Variants in EFCAB12 observed in about 807,000 individuals in gnomAD.
EFCAB12 encodes EF-hand calcium-binding domain-containing protein 12.
Under a neutral mutation model 53.6 loss-of-function variants are expected in EFCAB12, and 43 were observed. That is an observed-to-expected ratio of 0.80 (90% confidence interval 0.63 to 1.03). The LOEUF (loss-of-function observed/expected upper bound fraction) is 1.03. EFCAB12 is among the 50% of genes least tolerant of loss of function. The probability of loss-of-function intolerance (pLI) is 0.00; values close to 1 mark genes in which losing one functional copy is unlikely to be tolerated. For missense variants in EFCAB12, 646 were observed against 730.6 expected (o/e 0.88, Z 1.34); for synonymous variants, 269 against 289.2 (o/e 0.93, Z 0.71).
chr3:129,401,714 A>G lies in EFCAB12; in HGVS notation c.1598T>C (p.Val533Ala). Residue 533 changes from valine to alanine, a missense_variant, in exon 9 of 9, where the codon GTT becomes GCT. Transcript: ENST00000505956. ...TGGGTAGACATGGGGCTGGTGTTGA[A>G]CACAACTGAAGAGCGCCAGGCTCCG... ...TDRSLALFSC[V>A]QHQPHVYPAT... is the part of the protein sequence containing the mutation. The G allele has an allele frequency of 1.3e-6, 2 of 1,597,022 alleles. No homozygotes were observed. Among genetic ancestry groups the G allele is most frequent in the African/African-American group, 2.7e-5 (2 of 74,810 alleles).
Position 129,418,622 on chromosome 3 carries a change from A to C in EFCAB12, c.487-174T>G. ...TGTTTGGCCACAAAATGCCTGGGAG[A>C]CTTTGCTTCTCTGAGCCTTGGTTTT... On this transcript the variant is annotated intron_variant, in intron 2 of 8. Transcript: ENST00000505956. 6.2e-6 allele frequency: 3 copies of C among 481,796 alleles called. No homozygotes were observed. The Admixed American group carries it at 1.2e-4, about 19-fold the overall frequency. The allele number at this position is 481,796 out of a possible 1,614,324, so 29.8% of individuals were successfully genotyped here.
chr3:129,419,709 G>A (rs902676061), intron 2 of EFCAB12, among the ~76,000 whole-genome samples: 2 of 152,206 alleles, frequency 1.3e-5, no homozygotes, highest in Non-Finnish European at 2.9e-5. Flanking sequence ...CATCCTGACT[G>A]CAACCTCATG....
intron 6 of EFCAB12, among the ~76,000 whole-genome samples, chr3:129,408,313 G>A (rs1431366466): frequency 6.6e-6 from 1 of 152,094 alleles, no homozygotes; most frequent in African/African-American, 2.4e-5. Flanking sequence ...TCAACCTCAG[G>A]GCTTTCTCAC....
chr3:129,408,626 C>T lies in EFCAB12; in HGVS notation c.1249+19G>A, dbSNP rs1175831416. 3 of 1,554,286 alleles carry T rather than the reference C, an allele frequency of 1.9e-6. No homozygotes were observed. The highest frequency in any genetic ancestry group is 2.7e-5 in the African/African-American group (2 of 73,230). ...GGTTCCCTTGGCATCTTCCTAGGGCCAGCTACCGAGGCCCTTACCTTTCAT... is the reference window on the plus strand; with the variant it reads ...GGTTCCCTTGGCATCTTCCTAGGGCTAGCTACCGAGGCCCTTACCTTTCAT... On this transcript the variant is annotated intron_variant, in intron 6 of 8. Coordinates refer to ENST00000505956, the MANE Select transcript of EFCAB12 (RefSeq NM_207307.3).
intron 6 of EFCAB12, among the ~76,000 whole-genome samples, chr3:129,406,987 A>C (rs1364618098): frequency 6.6e-6 from 1 of 152,056 alleles, no homozygotes; most frequent in Non-Finnish European, 1.5e-5. Flanking sequence ...TGGCCTCCCA[A>C]AGTACTGGGA....
At chr3:129,411,419 C>G (rs543098192) in intron 4 of EFCAB12, 65 bp from the exon 5 acceptor site, 1 of 1,488,084 alleles carries the variant, frequency 6.7e-7, no homozygotes, top group African/African-American at 1.4e-5. Flanking sequence ...CGGAACCTGC[C>G]AAGCAGTTAT....
intron 2 of EFCAB12, 79 bp downstream of exon 2, chr3:129,421,288 C>G: frequency 7.0e-7 from 1 of 1,434,160 alleles, no homozygotes; most frequent in Non-Finnish European, 9.3e-7. Flanking sequence ...CTATCCCTAT[C>G]CAGCCTAACC....
intron 1 of EFCAB12, among the ~76,000 whole-genome samples, chr3:129,423,535 G>A (rs62266959): frequency 0.045 from 6,888 of 152,172 alleles, 228 homozygotes; most frequent in Non-Finnish European, 0.067. Flanking sequence ...GGCTGAGGTG[G>A]GAGGATCACT....
intron 4 of EFCAB12, chr3:129,413,521 C>G (rs1048707677): frequency 6.6e-6 from 1 of 152,198 alleles, no homozygotes; most frequent in African/African-American, 2.4e-5. Context: ...GGGGATATGC[C>G]TGCAGCTGCA....
In EFCAB12 at chr3:129,408,669, G is replaced by T. The variant is rs188877447; in HGVS notation, c.1225C>A (p.Leu409Met). ...CCTTTCATGAGGATGTCCTCTGTCA[G>T]CGGGAGGCCATAGGACTTACAGAGC... The part of the protein sequence containing the change: ...WKLCKSYGLP[L>M]TEDILMKALL... The change falls in exon 6 of 9, where the codon CTG (leucine) becomes ATG (methionine). Residue 409 changes from leucine (L) to methionine (M), a missense_variant. Physicochemically the swap from Leu to Met is conservative, Grantham distance 15. Transcript: ENST00000505956. The T allele has an allele frequency of 1.3e-6, 2 of 1,580,616 alleles. No homozygotes were observed. The highest frequency in any genetic ancestry group is 2.7e-5 in the African/African-American group (2 of 74,350).
At chr3:129,406,371 C>G (rs943622606) in intron 6 of EFCAB12, among the ~76,000 whole-genome samples, 13 of 152,240 alleles carry the variant, frequency 8.5e-5, no homozygotes, top group African/African-American at 3.1e-4. Flanking sequence ...GTGTTCCTGA[C>G]AGCCTCTGAC....
chr3:129,407,759 CA>C (rs1229489938), intron 6 of EFCAB12, among the ~76,000 whole-genome samples: 2 of 152,138 alleles, frequency 1.3e-5, no homozygotes, highest in South Asian at 2.1e-4. Context: ...ACTAAAAATA[CA>C]AAAATTAGCT....
At chr3:129,406,213 C>A (rs2071948981) in intron 6 of EFCAB12, among the ~76,000 whole-genome samples, 1 of 152,084 alleles carries the variant, frequency 6.6e-6, no homozygotes, top group Admixed American at 6.6e-5. Context: ...TGTAAATAAT[C>A]CGGAAAGGTG....
In EFCAB12 at chr3:129,428,430, C is replaced by G. The variant is rs746781760; in HGVS notation, c.49+10G>C. 4 of 1,604,396 alleles carry G rather than the reference C, an allele frequency of 2.5e-6. No homozygotes were observed. Among genetic ancestry groups the G allele is most frequent in the Admixed American group, 3.4e-5 (2 of 58,606 alleles). On this transcript the variant is annotated intron_variant, in intron 1 of 8. Coordinates refer to ENST00000505956, the MANE Select transcript of EFCAB12 (RefSeq NM_207307.3). ...AGCGCTCCCTGCAGACGCTTCTTCC[C>G]GGGGCTTACCGAGCAGCGACAAGAA...
chr3:129,402,944 C>T (rs1218596072), intron 7 of EFCAB12: 7 of 212,322 alleles, frequency 3.3e-5, no homozygotes, highest in Non-Finnish European at 6.7e-5. Context: ...CTACTCCCCA[C>T]TCCAGAGCTT....
At chr3:129,405,263 A>C (rs1309253773) in intron 6 of EFCAB12, among the ~76,000 whole-genome samples, 1 of 152,184 alleles carries the variant, frequency 6.6e-6, no homozygotes, top group African/African-American at 2.4e-5. Context: ...TGCTTGTCTT[A>C]AGCTGGTAAC....
chr3:129,415,329 T>C lies in EFCAB12; in HGVS notation c.754A>G (p.Thr252Ala). The C allele has an allele frequency of 6.2e-7, 1 of 1,613,476 alleles. No individual in the cohort carries two copies. The highest frequency in any genetic ancestry group is 1.1e-5 in the South Asian group (1 of 91,024). The change falls in exon 4 of 9, where the codon ACC becomes GCC. Residue 252 changes from threonine to alanine, a missense_variant. Physicochemically the swap from Thr to Ala is moderately conservative, Grantham distance 58 (BLOSUM62 0). Transcript: ENST00000505956. ...TTGGCCAGGATATCCATGGTGATGG[T>C]GTTGTGCTTCCCAAGAGAGCTGAGG... ...IYLSSLGKHNTITMDILANTY... is the reference protein window; with the variant it reads ...IYLSSLGKHNAITMDILANTY...
At chr3:129,406,615 A>T (rs1193703361) in intron 6 of EFCAB12, among the ~76,000 whole-genome samples, 1 of 151,558 alleles carries the variant, frequency 6.6e-6, no homozygotes, top group East Asian at 1.9e-4. Context: ...TGATCCTCCT[A>T]CCTCAGCCTC....
chr3:129,425,308 T>C (rs1252969772), intron 1 of EFCAB12, among the ~76,000 whole-genome samples: 1 of 152,098 alleles, frequency 6.6e-6, no homozygotes, highest in Non-Finnish European at 1.5e-5. Flanking sequence ...AATGGATTCT[T>C]AGTGCTCTTT....
Sources: allele counts gnomAD v4.1 joint callset (sites outside exome capture counted in the v4.1 genomes callset), GRCh38; gene constraint gnomAD v4.1.1; transcripts MANE v1.5; gene names NCBI Gene and HGNC (gene_info 2026-07-23, HGNC 2026-07-21).